The following RTN4R variants were observed in gnomAD, a reference collection of about 807,000 sequenced individuals.
RTN4R encodes reticulon 4 receptor.
A neutral mutation model predicts 27.7 loss-of-function variants in RTN4R; 4 were observed. The ratio of observed to expected loss-of-function variants is 0.14; its 90% CI spans 0.07 to 0.33. The LOEUF (loss-of-function observed/expected upper bound fraction) is 0.33, where lower values mean the gene tolerates loss of function less well. RTN4R is among the 10% of genes least tolerant of loss of function. The pLI is 1.00. For missense variants in RTN4R, 554 were observed against 671.5 expected (o/e 0.83, Z 1.93); for synonymous variants, 290 against 305.6 (o/e 0.95, Z 0.53).
chr22:20,246,651 GCC>G (rs1038267595), intron 1 of RTN4R, among the ~76,000 whole-genome samples: 5 of 152,192 alleles, frequency 3.3e-5, no homozygotes, highest in Admixed American at 6.5e-5. Flanking sequence ...GTGGTCCCTG[GCC>G]CCCACTGTTC....
chr22:20,266,141 T>C (rs1353576327), intron 1 of RTN4R, among the ~76,000 whole-genome samples: 1 of 152,186 alleles, frequency 6.6e-6, no homozygotes, highest in African/African-American at 2.4e-5. Context: ...GTACCCCCTT[T>C]ATAGATGGGA....
chr22:20,257,852 C>G (rs964659202), intron 1 of RTN4R, among the ~76,000 whole-genome samples: 1 of 152,176 alleles, frequency 6.6e-6, no homozygotes, highest in African/African-American at 2.4e-5. Flanking sequence ...GCCCCCACAC[C>G]CCAGGGTCCC....
chr22:20,242,518 G>T lies in RTN4R; in HGVS notation c.615C>A (p.Asp205Glu). 6.2e-7 allele frequency: 1 copy of T among 1,613,720 alleles called. No homozygotes were observed. Among genetic ancestry groups the T allele is most frequent in the Non-Finnish European group, 8.5e-7 (1 of 1,179,978 alleles). Reference protein sequence around the residue: ...ERAFRGLHSLDRLLLHQNRVA... With the variant: ...ERAFRGLHSLERLLLHQNRVA... ...CGCGGTTCTGGTGCAGTAGGAGACG[G>T]TCGAGGCTGTGCAGCCCACGGAAGG... is the stretch of plus-strand genomic sequence containing the variant. Residue 205 changes from aspartate (D) to glutamate (E), a missense_variant, in exon 2 of 2, where the codon GAC (aspartate) becomes GAA (glutamate). Asp to Glu is a conservative substitution (Grantham distance 45). Around this residue, in one of 2 missense-constraint regions of RTN4R, gnomAD observed 413 missense variants for 542.3 expected, o/e 0.76. Transcript: ENST00000043402.
At chr22:20,258,067 C>T (rs2051221938) in intron 1 of RTN4R, among the ~76,000 whole-genome samples, 1 of 152,224 alleles carries the variant, frequency 6.6e-6, no homozygotes, top group Non-Finnish European at 1.5e-5. Flanking sequence ...AGGACCTTCT[C>T]ACATCACCCC....
At chr22:20,250,830 TG>T (rs929011929) in intron 1 of RTN4R, among the ~76,000 whole-genome samples, 1 of 151,778 alleles carries the variant, frequency 6.6e-6, no homozygotes, top group African/African-American at 2.4e-5. Context: ...CCTGAGTAGC[TG>T]GGATTACACA....
At chr22:20,261,840 C>T (rs978843058) in intron 1 of RTN4R, among the ~76,000 whole-genome samples, 5 of 152,328 alleles carry the variant, frequency 3.3e-5, no homozygotes, top group Non-Finnish European at 5.9e-5. Flanking sequence ...GAACTAGGGA[C>T]GGGGGCTTCC....
At chr22:20,245,532 C>A (rs1297704846) in intron 1 of RTN4R, among the ~76,000 whole-genome samples, 5 of 152,168 alleles carry the variant, frequency 3.3e-5, no homozygotes, top group African/African-American at 1.2e-4. Flanking sequence ...AGGGGCCAGA[C>A]TGGTGACTCA....
At chr22:20,243,193 C>T (rs1048537704) in intron 1 of RTN4R, 83 bp from the exon 2 acceptor site, 22 of 1,416,550 alleles carry the variant, frequency 1.6e-5, no homozygotes, top group Middle Eastern at 2.2e-4. Context: ...AGGTGGGCCC[C>T]GGAGATTGGG....
At chr22:20,264,732 C>T (rs1490202308) in intron 1 of RTN4R, among the ~76,000 whole-genome samples, 3 of 152,208 alleles carry the variant, frequency 2.0e-5, no homozygotes, top group Admixed American at 2.0e-4. Flanking sequence ...GGCATCTGCA[C>T]AGCTGCAGAG....
At chr22:20,249,150 T>A (rs1172464414) in intron 1 of RTN4R, 1 of 534,282 alleles carries the variant, frequency 1.9e-6, no homozygotes, top group East Asian at 5.4e-5. Context: ...CACCAAGGGC[T>A]CATCTTGGTC....
chr22:20,257,218 C>T (rs185452144), intron 1 of RTN4R, among the ~76,000 whole-genome samples: 23 of 152,362 alleles, frequency 1.5e-4, no homozygotes, highest in Admixed American at 1.3e-3. Flanking sequence ...GGGGGCATGG[C>T]TCCAGCACCC....
At chr22:20,265,856 G>A (rs1284186315) in intron 1 of RTN4R, among the ~76,000 whole-genome samples, 4 of 152,174 alleles carry the variant, frequency 2.6e-5, no homozygotes, top group Non-Finnish European at 4.4e-5. Flanking sequence ...GGCCAATTCC[G>A]CCCAGCCTCA....
chr22:20,252,445 T>G, intron 1 of RTN4R, among the ~76,000 whole-genome samples: 1 of 152,198 alleles, frequency 6.6e-6, no homozygotes, highest in East Asian at 1.9e-4. Flanking sequence ...GGTTTCAGGA[T>G]ATCCCTGTGC....
At chr22:20,261,119 C>A (rs907279270) in intron 1 of RTN4R, among the ~76,000 whole-genome samples, 1 of 152,216 alleles carries the variant, frequency 6.6e-6, no homozygotes, top group East Asian at 1.9e-4. Context: ...TCTCTGTACC[C>A]ACCAGGGTTC....
At chr22:20,262,844 G>A (rs1321901101) in intron 1 of RTN4R, among the ~76,000 whole-genome samples, 3 of 152,238 alleles carry the variant, frequency 2.0e-5, no homozygotes, top group Non-Finnish European at 4.4e-5. Flanking sequence ...GGGGACTTCT[G>A]GCATGTCCCC....
chr22:20,248,479 GC>G (rs2051155337), intron 1 of RTN4R, among the ~76,000 whole-genome samples: 1 of 152,188 alleles, frequency 6.6e-6, no homozygotes, highest in Non-Finnish European at 1.5e-5. Flanking sequence ...AGAGCTGGCA[GC>G]CCTGGATGGC....
intron 1 of RTN4R, among the ~76,000 whole-genome samples, chr22:20,250,002 C>T (rs947556592): frequency 1.3e-5 from 2 of 152,208 alleles, no homozygotes; most frequent in African/African-American, 4.8e-5. Context: ...GCAGCTGGCC[C>T]ACGGCACATA....
At chr22:20,266,461 A>G (rs1353708592) in intron 1 of RTN4R, among the ~76,000 whole-genome samples, 1 of 152,250 alleles carries the variant, frequency 6.6e-6, no homozygotes, top group African/African-American at 2.4e-5. Context: ...GGTCCTCACC[A>G]TGGAGAAACT....
chr22:20,245,788 A>G (rs372576446), intron 1 of RTN4R, among the ~76,000 whole-genome samples: 1 of 151,976 alleles, frequency 6.6e-6, no homozygotes, highest in African/African-American at 2.4e-5. Context: ...ACTCTCACCC[A>G]GTCTCACCCT....
Sources: allele counts gnomAD v4.1 joint callset (sites outside exome capture counted in the v4.1 genomes callset), GRCh38; gene constraint gnomAD v4.1.1; regional missense constraint gnomAD v4.1.1; transcripts MANE v1.5; gene names NCBI Gene and HGNC (gene_info 2026-07-23, HGNC 2026-07-21).